The following KCND3 variants were observed in gnomAD, a reference collection of about 807,000 sequenced individuals.
KCND3 encodes potassium voltage-gated channel subfamily D member 3, also known as A-type voltage-gated potassium channel KCND3.
Under a neutral mutation model 51.1 loss-of-function variants are expected in KCND3, and 9 were observed. The observed-to-expected ratio is 0.18, with a 90% CI of 0.11 to 0.31. KCND3 has a LOEUF of 0.31. KCND3 is among the 10% of genes least tolerant of loss of function. KCND3 has a pLI of 1.00. For missense variants in KCND3, 526 were observed against 903.8 expected (o/e 0.58, Z 5.36); for synonymous variants, 349 against 368.0 (o/e 0.95, Z 0.59).
chr1:111,811,119 A>G (rs1665827284), intron 2 of KCND3, among the ~76,000 whole-genome samples: 1 of 152,126 alleles, frequency 6.6e-6, no homozygotes, highest in African/African-American at 2.4e-5. Flanking sequence ...GGGTCTGAAC[A>G]GTGTAATGGG....
At chr1:111,969,214 T>C (rs893887986) in intron 2 of KCND3, among the ~76,000 whole-genome samples, 1 of 152,180 alleles carries the variant, frequency 6.6e-6, no homozygotes, top group Non-Finnish European at 1.5e-5. Flanking sequence ...CTTGTCTCCC[T>C]TGACTCTGAC....
chr1:111,921,288 C>T (rs1425316468), intron 2 of KCND3, among the ~76,000 whole-genome samples: 1 of 152,194 alleles, frequency 6.6e-6, no homozygotes, highest in Non-Finnish European at 1.5e-5. Flanking sequence ...GCTTTTACAG[C>T]CGTACAGCAT....
intron 2 of KCND3, among the ~76,000 whole-genome samples, chr1:111,969,188 T>A (rs115243788): frequency 0.016 from 2,411 of 152,128 alleles, 67 homozygotes; most frequent in African/African-American, 0.055. Context: ...ATGCCCACCC[T>A]CGTGTGCCTA....
chr1:111,771,280 ATGGTGCTGTT>A lies in KCND3; in HGVS notation c.*4787_*4796del, dbSNP rs1663900661. On this transcript the variant is annotated 3_prime_UTR_variant, in exon 8 of 8. Transcript: ENST00000302127. ...TCTCTTAGTTTTAATGATGCTCTTCATGGTGCTGTTTGGGCTCCGAGGGTCATGGGTCATA... is the reference window on the plus strand; with the variant it reads ...TCTCTTAGTTTTAATGATGCTCTTCATGGGCTCCGAGGGTCATGGGTCATA... The A allele has an allele frequency of 6.6e-6, 1 of 152,218 alleles. No homozygotes were observed. Among genetic ancestry groups the A allele is most frequent in the African/African-American group, 2.4e-5 (1 of 41,454 alleles). The allele number at this position is 152,218 out of a possible 1,614,324, so 9.4% of individuals were successfully genotyped here.
At chr1:111,778,104 G>A (rs865941547) in intron 6 of KCND3, among the ~76,000 whole-genome samples, 16 of 152,192 alleles carry the variant, frequency 1.1e-4, no homozygotes, top group African/African-American at 3.1e-4. Flanking sequence ...CCAGCCTGGC[G>A]GCAAATACCA....
intron 2 of KCND3, among the ~76,000 whole-genome samples, chr1:111,838,132 G>C (rs1160893691): frequency 1.3e-5 from 2 of 152,196 alleles, no homozygotes; most frequent in Admixed American, 6.5e-5. Flanking sequence ...TGTTTGGAAG[G>C]AAGTCACTAC....
chr1:111,984,300 T>TCA (rs1419146679), intron 1 of KCND3, among the ~76,000 whole-genome samples: 4 of 152,216 alleles, frequency 2.6e-5, no homozygotes, highest in Admixed American at 2.6e-4. Context: ...GAGCTGCCAC[T>TCA]GGACTTTTCT....
intron 2 of KCND3, among the ~76,000 whole-genome samples, chr1:111,863,826 T>G (rs1668438039): frequency 6.6e-6 from 1 of 152,114 alleles, no homozygotes; most frequent in Non-Finnish European, 1.5e-5. Flanking sequence ...GGAGACCAGC[T>G]GAAAGACAAC....
At position 111,817,770 on chromosome 1, in the gene KCND3, T is replaced by C. The variant is rs1444602560; in HGVS notation, c.1107-30664A>G. Among the ~76,000 whole-genome samples, 7 of 152,324 alleles carry C rather than the reference T, an allele frequency of 4.6e-5. 1 individual carries two copies. In the East Asian group the frequency reaches 1.3e-3, roughly 29 times the overall value. On this transcript the variant is annotated intron_variant, in intron 2 of 7. Coordinates refer to ENST00000302127, the MANE Select transcript of KCND3 (RefSeq NM_001378969.1). ...AGTGATAGAAAGCTGAGTATATGGA[T>C]ACAGAATTTAGTGTTGTAATCAAGC...
At chr1:111,957,075 T>A (rs1344549444) in intron 2 of KCND3, among the ~76,000 whole-genome samples, 1 of 152,104 alleles carries the variant, frequency 6.6e-6, no homozygotes, top group African/African-American at 2.4e-5. Flanking sequence ...GAGGAAAACA[T>A]CTCAAACAAA....
intron 2 of KCND3, among the ~76,000 whole-genome samples, chr1:111,980,967 G>C (rs190568466): frequency 6.6e-6 from 1 of 152,208 alleles, no homozygotes; most frequent in East Asian, 1.9e-4. Context: ...CACTGACTCA[G>C]ACTAAAAAGC....
At chr1:111,828,743 C>G (rs1034799838) in intron 2 of KCND3, among the ~76,000 whole-genome samples, 2 of 152,230 alleles carry the variant, frequency 1.3e-5, no homozygotes, top group African/African-American at 2.4e-5. Flanking sequence ...CTCGGATCCA[C>G]TGCTTTGCTC....
At chr1:111,866,230 CTTCTT>C (rs2101701991) in intron 2 of KCND3, among the ~76,000 whole-genome samples, 1 of 141,936 alleles carries the variant, frequency 7.0e-6, no homozygotes, top group South Asian at 2.2e-4. Flanking sequence ...TTTTTCTTTC[CTTCTT>C]TTCTTCTTTC....
intron 2 of KCND3, among the ~76,000 whole-genome samples, chr1:111,880,133 C>T (rs1669236534): frequency 6.6e-6 from 1 of 152,132 alleles, no homozygotes; most frequent in Non-Finnish European, 1.5e-5. Context: ...ATAGTTTACC[C>T]TTCTTTGTAT....
intron 2 of KCND3, among the ~76,000 whole-genome samples, chr1:111,940,895 T>G (rs1672484428): frequency 6.6e-6 from 1 of 152,184 alleles, no homozygotes; most frequent in Non-Finnish European, 1.5e-5. Flanking sequence ...CAACCAAAGT[T>G]TTGAACACTT....
At chr1:111,884,096 T>G (rs1185262591) in intron 2 of KCND3, among the ~76,000 whole-genome samples, 1 of 152,184 alleles carries the variant, frequency 6.6e-6, no homozygotes, top group Non-Finnish European at 1.5e-5. Flanking sequence ...AATAAGACCC[T>G]AGTAGCATCT....
intron 2 of KCND3, among the ~76,000 whole-genome samples, chr1:111,922,760 T>C (rs1019981405): frequency 6.6e-6 from 1 of 152,216 alleles, no homozygotes; most frequent in African/African-American, 2.4e-5. Flanking sequence ...CATCTAGCAA[T>C]TAGCAGCTGT....
intron 3 of KCND3, among the ~76,000 whole-genome samples, chr1:111,784,101 TATC>T (rs1571631910): frequency 9.2e-6 from 1 of 108,682 alleles, no homozygotes; most frequent in South Asian, 2.8e-4. Context: ...TGCATTAACT[TATC>T]ACACACACAC....
intron 2 of KCND3, among the ~76,000 whole-genome samples, chr1:111,952,100 G>C (rs150307959): frequency 1.6e-4 from 24 of 152,346 alleles, no homozygotes; most frequent in Middle Eastern, 3.4e-3. Context: ...AATCTTCTGG[G>C]AATGTGGTTT....
Sources: gnomAD v4.1 joint callset for allele counts (sites outside exome capture counted in the v4.1 genomes callset) on GRCh38, gnomAD v4.1.1 for gene constraint, MANE v1.5 for transcripts, NCBI Gene and HGNC (gene_info 2026-07-23, HGNC 2026-07-21) for gene names.